Variants in RANBP6 observed in about 807,000 individuals in gnomAD.
The protein encoded by RANBP6 is RAN binding protein 6.
RANBP6 carries 10 observed loss-of-function variants against 35.3 expected under a neutral mutation model. The observed-to-expected ratio is 0.28, with a 90% CI of 0.17 to 0.48. The LOEUF is 0.48. Among genes scored for constraint, RANBP6 ranks in the 20% least tolerant of loss-of-function variants. The pLI, the probability that RANBP6 is intolerant of heterozygous loss-of-function variation, is 0.99. For synonymous variants in RANBP6, 514 were observed against 464.2 expected (o/e 1.11, Z -1.38); for missense variants, 1,392 against 1,307.7 (o/e 1.06, Z -0.99).
chr9:6,013,802 C>T lies in RANBP6; in HGVS notation c.1806G>A (p.Met602Ile). 1 of 1,613,890 alleles carries T rather than the reference C, an allele frequency of 6.2e-7. No homozygotes were observed. Among genetic ancestry groups the T allele is most frequent in the East Asian group, 2.2e-5 (1 of 44,882 alleles). Residue 602 changes from methionine (M) to isoleucine (I), a missense_variant, in exon 1 of 1, where the codon ATG (methionine) becomes ATA (isoleucine). By Grantham distance (10) the Met-to-Ile change is conservative. Transcript: ENST00000259569. Reference sequence around the variant, plus strand: ...AAGAGGTCTGAGGGTCATCATCTTCCATATTATTTAAGTCTGATTGTGTCT... The same window carrying T: ...AAGAGGTCTGAGGGTCATCATCTTCTATATTATTTAAGTCTGATTGTGTCT... The part of the protein sequence containing the change: ...LLKTQSDLNN[M>I]EDDDPQTSYM...
rs547980683 is a variant in RANBP6 at position 6,012,179 on chromosome 9, A to G, written c.*111T>C. 20 of 806,842 alleles carry G rather than the reference A, an allele frequency of 2.5e-5. No individual in the cohort carries two copies. Among genetic ancestry groups the G allele is most frequent in the Non-Finnish European group, 3.7e-5 (20 of 542,114 alleles). The allele number at this position is 806,842 out of a possible 1,614,324, so 50.0% of individuals were successfully genotyped here. On this transcript the variant is annotated 3_prime_UTR_variant, in exon 1 of 1. Transcript: ENST00000259569. ...CTGGAGAAACATGGAGAAGAACTAT[A>G]AACTGCTTAGCAGGGAGAAAACAGT...
In RANBP6 at chr9:6,014,401, A is replaced by C. The variant is rs772727897; in HGVS notation, c.1207T>G (p.Ser403Ala). 8.1e-6 allele frequency: 13 copies of C among 1,614,046 alleles called. No homozygotes were observed. The highest frequency in any genetic ancestry group is 1.7e-5 in the Admixed American group (1 of 59,996). ...IGEGCHQQME[S>A]ILDETVNSVL... ...GAGTTAACTGTTTCATCTAGAATTG[A>C]TTCCATTTGTTGATGGCATCCTTCT... Residue 403 changes from serine to alanine, a missense_variant, in exon 1 of 1, where the codon TCA becomes GCA. Physicochemically the swap from Ser to Ala is moderately conservative, Grantham distance 99. Coordinates refer to ENST00000259569, the MANE Select transcript of RANBP6 (RefSeq NM_012416.4).
Position 6,011,204 on chromosome 9 carries a change from C to T in RANBP6, c.*1086G>A, listed in dbSNP as rs1026834249. The T allele has an allele frequency of 3.9e-5, 6 of 152,134 alleles. No homozygotes were observed. Among genetic ancestry groups the T allele is most frequent in the South Asian group, 2.1e-4 (1 of 4,828 alleles). The allele number at this position is 152,134 out of a possible 1,614,324, so 9.4% of individuals were successfully genotyped here. ...GCTCTTTTCTACCCTACAATAAGCT[C>T]GACATTAAAGACTGACATTCCAATT... On this transcript the variant is annotated 3_prime_UTR_variant, in exon 1 of 1. Transcript: ENST00000259569.
rs1263669272 is a variant in RANBP6, at chr9:6,014,998, C to T, written c.610G>A (p.Ala204Thr). The change falls in exon 1 of 1, where the codon GCT (alanine) becomes ACT (threonine). Residue 204 changes from alanine (A) to threonine (T), a missense_variant. Transcript: ENST00000259569. Reference sequence around the variant, plus strand: ...TTAGCAAGTACAAATGCAGCTGCAGCTCTAGCGGATAATGTCCTGATTGCT... The same window carrying T: ...TTAGCAAGTACAAATGCAGCTGCAGTTCTAGCGGATAATGTCCTGATTGCT... ...HPAIRTLSARAAAAFVLANEN... is the reference protein window; with the variant it reads ...HPAIRTLSARTAAAFVLANEN... The T allele has an allele frequency of 1.2e-6, 2 of 1,614,200 alleles. No homozygotes were observed. The highest frequency in any genetic ancestry group is 1.7e-6 in the Non-Finnish European group (2 of 1,180,036).
chr9:6,015,021 G>A lies in RANBP6; in HGVS notation c.587C>T (p.Ala196Val), dbSNP rs1842548874. ...AGCTCTAGCGGATAATGTCCTGATT[G>A]CTGGATGTTCTTGATCTTGAATACA... ...DQCIQDQEHP[A>V]IRTLSARAAA... The change falls in exon 1 of 1, where the codon GCA becomes GTA. Residue 196 changes from alanine (A) to valine (V), a missense_variant. Ala to Val is a moderately conservative substitution (Grantham distance 64). Coordinates refer to ENST00000259569, the MANE Select transcript of RANBP6 (RefSeq NM_012416.4). 9 of 1,614,236 alleles carry A rather than the reference G, an allele frequency of 5.6e-6. No homozygotes were observed. The highest frequency in any genetic ancestry group is 7.6e-6 in the Non-Finnish European group (9 of 1,180,042).
chr9:6,012,127 T>C lies in RANBP6; in HGVS notation c.*163A>G, dbSNP rs1587502280. 1.9e-6 allele frequency: 1 copy of C among 527,216 alleles called. No homozygotes were observed. The highest frequency in any genetic ancestry group is 3.2e-6 in the Non-Finnish European group (1 of 314,054). The allele number at this position is 527,216 out of a possible 1,614,324, so 32.7% of individuals were successfully genotyped here. On this transcript the variant is annotated 3_prime_UTR_variant, in exon 1 of 1. Coordinates refer to ENST00000259569, the MANE Select transcript of RANBP6 (RefSeq NM_012416.4). ...TGTTTGGAAGATAAAACATGCGAGA[T>C]AAACAGAGGACTAACACTGATTAAT... is the stretch of plus-strand genomic sequence containing the variant.
In RANBP6 at chr9:6,013,239, T is replaced by C. The variant is rs1842507432; in HGVS notation, c.2369A>G (p.Asp790Gly). Residue 790 changes from aspartate to glycine, a missense_variant, in exon 1 of 1, where the codon GAT becomes GGT. Physicochemically the swap from Asp to Gly is moderately conservative, Grantham distance 94 (BLOSUM62 -1). Coordinates refer to ENST00000259569, the MANE Select transcript of RANBP6 (RefSeq NM_012416.4). ...SFAKSIEVMG[D>G]GCLNDEHLEE... ...CAAGTGTTCATCATTAAGGCAACCA[T>C]CTCCCATAACTTCAATGGACTTTGC... 1 of 1,614,136 alleles carries C rather than the reference T, an allele frequency of 6.2e-7. No homozygotes were observed. The highest frequency in any genetic ancestry group is 8.5e-7 in the Non-Finnish European group (1 of 1,180,016).
Position 6,014,166 on chromosome 9 carries a change from C to G in RANBP6, c.1442G>C (p.Cys481Ser). 6.2e-7 allele frequency: 1 copy of G among 1,613,686 alleles called. No individual in the cohort carries two copies. Among genetic ancestry groups the G allele is most frequent in the Non-Finnish European group, 8.5e-7 (1 of 1,179,920 alleles). ...ASALIIFIED[C>S]PKSLLVLYVD... ...ATATAGAACTAGCAATGATTTAGGGCAGTCTTCAATAAAAATAATAAGAGC... is the reference window on the plus strand; with the variant it reads ...ATATAGAACTAGCAATGATTTAGGGGAGTCTTCAATAAAAATAATAAGAGC... Residue 481 changes from cysteine (C) to serine (S), a missense_variant, in exon 1 of 1, where the codon TGC becomes TCC. Physicochemically the swap from Cys to Ser is moderately radical, Grantham distance 112. Transcript: ENST00000259569.
At position 6,011,651 on chromosome 9, in the gene RANBP6, G is replaced by T. The variant is rs1842473187; in HGVS notation, c.*639C>A. 6.6e-6 allele frequency: 1 copy of T among 152,122 alleles called. No homozygotes were observed. Among genetic ancestry groups the T allele is most frequent in the African/African-American group, 2.4e-5 (1 of 41,438 alleles). 9.4% of individuals were successfully genotyped at this position (152,122 alleles called of 1,614,324 possible). On this transcript the variant is annotated 3_prime_UTR_variant, in exon 1 of 1. Coordinates refer to ENST00000259569, the MANE Select transcript of RANBP6 (RefSeq NM_012416.4). ...GTCCTGGATAACTTAAAAAAATAGA[G>T]ACCTGTCTGGCTAAAGAAATTTAAA...
Position 6,015,575 on chromosome 9 carries a change from C to A in RANBP6, c.33G>T (p.Ala11=), listed in dbSNP as rs1842561845. Residue 11 remains alanine, a synonymous_variant, in exon 1 of 1, where the codon GCG becomes GCT. Coordinates refer to ENST00000259569, the MANE Select transcript of RANBP6 (RefSeq NM_012416.4). MAATASAGVP[A]TVSEKQEFYQ... ...AAAACTCTTGCTTTTCTGACACGGT[C>A]GCCGGCACCCCTGCAGACGCGGTTG... 6.2e-7 allele frequency: 1 copy of A among 1,603,366 alleles called. No homozygotes were observed. The highest frequency in any genetic ancestry group is 1.1e-5 in the South Asian group (1 of 90,844).
Position 6,013,114 on chromosome 9 carries a change from C to T in RANBP6, c.2494G>A (p.Val832Ile). The T allele has an allele frequency of 6.2e-7, 1 of 1,614,032 alleles. No homozygotes were observed. The highest frequency in any genetic ancestry group is 1.7e-5 in the Admixed American group (1 of 60,024). ...TCCTCATCTTGCAGAGACATCTCAA[C>T]CTGTTGATCATAGTTTTCTTCCTGT... ...KRQEENYDQQ[V>I]EMSLQDEDEC... Residue 832 changes from valine to isoleucine, a missense_variant, in exon 1 of 1, where the codon GTT becomes ATT. By Grantham distance (29) the Val-to-Ile change is conservative (BLOSUM62 3). Coordinates refer to ENST00000259569, the MANE Select transcript of RANBP6 (RefSeq NM_012416.4).
In RANBP6 at chr9:6,015,239, C is replaced by T. The variant is rs777736459; in HGVS notation, c.369G>A (p.Val123=). The change falls in exon 1 of 1, where the codon GTG becomes GTA. Residue 123 remains valine (V), a synonymous_variant. Transcript: ENST00000259569. ...CCTCATCTATCAAATTCCTGGCCAG[C>T]ACTGCAAAAATATCACAAAGTTTTT... ...MRKKLCDIFA[V]LARNLIDEDG... is the part of the protein sequence containing the mutation. The T allele has an allele frequency of 3.1e-6, 5 of 1,614,042 alleles. No homozygotes were observed. The highest frequency in any genetic ancestry group is 4.2e-6 in the Non-Finnish European group (5 of 1,180,024).
Position 6,013,782 on chromosome 9 carries a change from G to A in RANBP6, c.1826C>T (p.Thr609Ile), listed in dbSNP as rs1399078170. ...AGCCCATGCTGAAACCATGTAAGAG[G>A]TCTGAGGGTCATCATCTTCCATATT... ...LNNMEDDDPQ[T>I]SYMVSAWARM... The change falls in exon 1 of 1, where the codon ACC becomes ATC. Residue 609 changes from threonine (T) to isoleucine (I), a missense_variant. Coordinates refer to ENST00000259569, the MANE Select transcript of RANBP6 (RefSeq NM_012416.4). 1 of 1,613,838 alleles carries A rather than the reference G, an allele frequency of 6.2e-7. No homozygotes were observed. Among genetic ancestry groups the A allele is most frequent in the South Asian group, 1.1e-5 (1 of 91,088 alleles).
chr9:6,012,216 T>C lies in RANBP6; in HGVS notation c.*74A>G. The C allele has an allele frequency of 8.8e-7, 1 of 1,139,098 alleles. No individual in the cohort carries two copies. The highest frequency in any genetic ancestry group is 1.2e-6 in the Non-Finnish European group (1 of 829,144). 70.6% of individuals were successfully genotyped at this position (1,139,098 alleles called of 1,614,324 possible). On this transcript the variant is annotated 3_prime_UTR_variant, in exon 1 of 1. Coordinates refer to ENST00000259569, the MANE Select transcript of RANBP6 (RefSeq NM_012416.4). Reference sequence around the variant, plus strand: ...AGGGAGAAAACAGTTCTCTGATTTATAATAAAATCTATTCACAACACTTAT... The same window carrying C: ...AGGGAGAAAACAGTTCTCTGATTTACAATAAAATCTATTCACAACACTTAT...
Position 6,014,831 on chromosome 9 carries a change from C to G in RANBP6, c.777G>C (p.Leu259Phe). The change falls in exon 1 of 1, where the codon TTG becomes TTC. Residue 259 changes from leucine to phenylalanine, a missense_variant. Transcript: ENST00000259569. Reference sequence around the variant, plus strand: ...GTAGAGTATCTTCTAAATAAGGACCCAAGTACTTAGGTACGGTATCTGCAA... The same window carrying G: ...GTAGAGTATCTTCTAAATAAGGACCGAAGTACTTAGGTACGGTATCTGCAA... Reference protein sequence around the residue: ...VEIADTVPKYLGPYLEDTLQL... With the variant: ...VEIADTVPKYFGPYLEDTLQL... The G allele has an allele frequency of 6.2e-7, 1 of 1,614,184 alleles. No homozygotes were observed. Among genetic ancestry groups the G allele is most frequent in the African/African-American group, 1.3e-5 (1 of 75,052 alleles).
chr9:6,012,202 A>C lies in RANBP6; in HGVS notation c.*88T>G, dbSNP rs980113570. 7 of 1,030,592 alleles carry C rather than the reference A, an allele frequency of 6.8e-6. No individual in the cohort carries two copies. The African/African-American group carries it at 8.1e-5, about 12-fold the overall frequency. The allele number at this position is 1,030,592 out of a possible 1,614,324, so 63.8% of individuals were successfully genotyped here. A position where few individuals can be genotyped will look rare whatever the true frequency, so the allele number is the denominator to read the frequency against. On this transcript the variant is annotated 3_prime_UTR_variant, in exon 1 of 1. Coordinates refer to ENST00000259569, the MANE Select transcript of RANBP6 (RefSeq NM_012416.4). ...ATAAACTGCTTAGCAGGGAGAAAAC[A>C]GTTCTCTGATTTATAATAAAATCTA...
rs770762333 is a variant in RANBP6, at chr9:6,012,566, T to C, written c.3042A>G (p.Lys1014=). The change falls in exon 1 of 1, where the codon AAA becomes AAG. Residue 1014 remains lysine, a synonymous_variant. Coordinates refer to ENST00000259569, the MANE Select transcript of RANBP6 (RefSeq NM_012416.4). The part of the protein sequence containing the change: ...WLSWLPLHED[K]EEAIQTLSFL... ...AACTCAAAGTCTGAATAGCTTCCTC[T>C]TTATCTTCATGCAGTGGAAGCCATG... 13 of 1,614,038 alleles carry C rather than the reference T, an allele frequency of 8.1e-6. No individual in the cohort carries two copies. Among genetic ancestry groups the C allele is most frequent in the Non-Finnish European group, 8.5e-7 (1 of 1,179,978 alleles).
Position 6,015,173 on chromosome 9 carries a change from A to C in RANBP6, c.435T>G (p.Ile145Met). ...NHWPEGLKFL[I>M]DSIYSKNVVL... is the part of the protein sequence containing the mutation. ...CCACATTTTTGGAGTAGATTGAATC[A>C]ATAAGAAACTTCAGACCTTCCGGCC... Residue 145 changes from isoleucine to methionine, a missense_variant, in exon 1 of 1, where the codon ATT (isoleucine) becomes ATG (methionine). Ile to Met is a conservative substitution (Grantham distance 10). Transcript: ENST00000259569. 1 of 1,614,152 alleles carries C rather than the reference A, an allele frequency of 6.2e-7. No individual in the cohort carries two copies. Among genetic ancestry groups the C allele is most frequent in the Non-Finnish European group, 8.5e-7 (1 of 1,180,044 alleles).
chr9:6,013,828 TCAA>T lies in RANBP6; in HGVS notation c.1777_1779del (p.Leu593del). The T allele has an allele frequency of 1.2e-6, 2 of 1,614,030 alleles. No homozygotes were observed. Among genetic ancestry groups the T allele is most frequent in the South Asian group, 1.1e-5 (1 of 91,080 alleles). ...ATATTATTTAAGTCTGATTGTGTCT[TCAA>T]CAACAGCTGCATCACATTTGATGCA... On this transcript the variant is annotated inframe_deletion, in exon 1 of 1. Coordinates refer to ENST00000259569, the MANE Select transcript of RANBP6 (RefSeq NM_012416.4).
Sources: allele counts gnomAD v4.1 joint callset, GRCh38; gene constraint gnomAD v4.1.1; transcripts MANE v1.5; gene names NCBI Gene and HGNC (gene_info 2026-07-23, HGNC 2026-07-21).